PTPRD: variants seen among roughly 807,000 people sequenced by gnomAD.
PTPRD encodes protein tyrosine phosphatase receptor type D.
In PTPRD, 34 loss-of-function variants were observed where a neutral mutation model predicts 214.5. The observed-to-expected ratio is 0.16, with a 90% CI of 0.12 to 0.21. PTPRD has a LOEUF of 0.21. Ranked by LOEUF, PTPRD falls within the 10% of genes least tolerant of loss-of-function variation. PTPRD has a pLI of 1.00. For missense variants in PTPRD, 2,545 were observed against 2,398.7 expected (o/e 1.06, Z -1.27); for synonymous variants, 1,128 against 845.7 (o/e 1.33, Z -5.79).
At chr9:8,720,962 T>C (rs988278092) in intron 12 of PTPRD, among the ~76,000 whole-genome samples, 2 of 152,100 alleles carry the variant, frequency 1.3e-5, no homozygotes, top group East Asian at 1.9e-4. Flanking sequence ...CAGGGAATCA[T>C]GAGTGTGTGT....
chr9:9,725,799 A>G (rs189552699), intron 7 of PTPRD, among the ~76,000 whole-genome samples: 28 of 152,326 alleles, frequency 1.8e-4, no homozygotes, highest in Admixed American at 7.8e-4. Context: ...GGGGAACTGT[A>G]GGACATTTTT....
chr9:9,180,547 T>C lies in PTPRD; in HGVS notation c.-143+2757A>G, dbSNP rs150070327. 4.2e-3 allele frequency among the ~76,000 whole-genome samples: 639 copies of C among 151,854 alleles called. 4 individuals are homozygous for C. The highest frequency in any genetic ancestry group is 0.014 in the African/African-American group (578 of 41,442). On this transcript the variant is annotated intron_variant, in intron 10 of 45. Coordinates refer to ENST00000381196, the MANE Select transcript of PTPRD (RefSeq NM_002839.4). ...CACCAACATGGCACATGTATACATATGTAACAAACCTGCACGTTGTGCACA... is the reference window on the plus strand; with the variant it reads ...CACCAACATGGCACATGTATACATACGTAACAAACCTGCACGTTGTGCACA...
chr9:8,373,991 C>T (rs1234518545), intron 39 of PTPRD, among the ~76,000 whole-genome samples: 1 of 151,336 alleles, frequency 6.6e-6, no homozygotes, highest in Admixed American at 6.6e-5. Flanking sequence ...GGAGAAAGCA[C>T]AGATTCTGTA....
At chr9:9,811,634 G>C (rs1209786775) in intron 5 of PTPRD, among the ~76,000 whole-genome samples, 2 of 152,168 alleles carry the variant, frequency 1.3e-5, no homozygotes, top group African/African-American at 4.8e-5. Flanking sequence ...GTGAACACAG[G>C]AGGTGGAGTT....
rs538731903 is a variant in PTPRD, at chr9:8,753,508, C to T, written c.-103-19562G>A. 5.3e-5 allele frequency among the ~76,000 whole-genome samples: 8 copies of T among 152,242 alleles called. No homozygotes were observed. In the East Asian group the frequency reaches 9.7e-4, roughly 18 times the overall value. ...AACAATCTGTCTGTGCTCCTCTGGC[C>T]GGTTTCTAACAGCATGTTGTATGTG... On this transcript the variant is annotated intron_variant, in intron 11 of 45. Coordinates refer to ENST00000381196, the MANE Select transcript of PTPRD (RefSeq NM_002839.4).
intron 14 of PTPRD, among the ~76,000 whole-genome samples, chr9:8,546,504 CT>C (rs568213553): frequency 1.1e-3 from 169 of 147,698 alleles, no homozygotes; most frequent in African/African-American, 2.8e-3. Flanking sequence ...TTTTCTTTTT[CT>C]TTTTTTTTTG....
chr9:9,608,342 C>T (rs905525497), intron 7 of PTPRD, among the ~76,000 whole-genome samples: 2 of 152,048 alleles, frequency 1.3e-5, no homozygotes, highest in East Asian at 1.9e-4. Context: ...GTTATTTAAC[C>T]TTATTGATAC....
At chr9:9,550,468 T>C (rs2079930544) in intron 8 of PTPRD, among the ~76,000 whole-genome samples, 1 of 148,272 alleles carries the variant, frequency 6.7e-6, no homozygotes, top group Non-Finnish European at 1.5e-5. Flanking sequence ...CGTAGTATAT[T>C]ATGCACTATA....
At chr9:10,334,244 T>C (rs2096802289) in intron 3 of PTPRD, among the ~76,000 whole-genome samples, 2 of 151,762 alleles carry the variant, frequency 1.3e-5, no homozygotes, top group Non-Finnish European at 2.9e-5. Context: ...ATATGTTATA[T>C]CAAATGTTAA....
At chr9:10,013,033 T>C (rs755915867) in intron 4 of PTPRD, among the ~76,000 whole-genome samples, 6 of 151,976 alleles carry the variant, frequency 3.9e-5, no homozygotes, top group East Asian at 1.9e-4. Flanking sequence ...CGCTAGAGAA[T>C]AGAATAAGCA....
intron 36 of PTPRD, among the ~76,000 whole-genome samples, chr9:8,402,449 G>A (rs12235754): frequency 0.35 from 53,105 of 152,000 alleles, 9,906 homozygotes; most frequent in Middle Eastern, 0.44. Flanking sequence ...AAAGTACAGC[G>A]AAGTGGTAGT....
chr9:10,103,586 G>A (rs1444314071), intron 3 of PTPRD, among the ~76,000 whole-genome samples: 1 of 151,164 alleles, frequency 6.6e-6, no homozygotes, highest in Non-Finnish European at 1.5e-5. Flanking sequence ...GTGGTTTTAT[G>A]GTTGTGCTTT....
intron 11 of PTPRD, among the ~76,000 whole-genome samples, chr9:8,877,516 T>C (rs116523265): frequency 0.012 from 1,888 of 152,312 alleles, 51 homozygotes; most frequent in South Asian, 0.084. Flanking sequence ...TAGATTCTAA[T>C]ATTTTAGTGA....
rs1388324188 is a variant in PTPRD at position 8,557,433 on chromosome 9, TAC to T, written c.353-28656_353-28655del. On this transcript the variant is annotated intron_variant, in intron 14 of 45. Transcript: ENST00000381196. ...AAACTCTTTATTTTTCATTTGTAAATACATATATATATATATATATATATTTG... is the reference window on the plus strand; with the variant it reads ...AAACTCTTTATTTTTCATTTGTAAATATATATATATATATATATATATTTG... Among the ~76,000 whole-genome samples the T allele has an allele frequency of 1.0e-3, 118 of 112,396 alleles. 10 individuals carry two copies. The highest frequency in any genetic ancestry group is 7.7e-3 in the African/African-American group (115 of 14,894). 73.7% of individuals were successfully genotyped at this position (112,396 alleles called of 152,430 possible).
At chr9:8,553,380 C>T (rs1040122501) in intron 14 of PTPRD, among the ~76,000 whole-genome samples, 8 of 152,154 alleles carry the variant, frequency 5.3e-5, no homozygotes, top group African/African-American at 1.9e-4. Context: ...GGCCTGAGTC[C>T]CCTGGCGTGG....
intron 12 of PTPRD, among the ~76,000 whole-genome samples, chr9:8,637,335 A>G (rs1171511344): frequency 6.6e-6 from 1 of 152,178 alleles, no homozygotes; most frequent in Non-Finnish European, 1.5e-5. Context: ...TATCGCCCTG[A>G]ATTAGAAGGT....
intron 3 of PTPRD, among the ~76,000 whole-genome samples, chr9:10,282,984 C>A (rs1434582119): frequency 6.6e-6 from 1 of 151,974 alleles, no homozygotes; most frequent in Non-Finnish European, 1.5e-5. Context: ...TTCATTTTTT[C>A]ATTAATATCT....
rs569160438 is a variant in PTPRD, at chr9:10,475,357, C to T, written c.-599-134340G>A. ...CTACCAACAGAGAATATTATAAACA[C>T]CTCTACACAAATCAACTGGAAAATG... is the stretch of plus-strand genomic sequence containing the variant. On this transcript the variant is annotated intron_variant, in intron 2 of 45. Coordinates refer to ENST00000381196, the MANE Select transcript of PTPRD (RefSeq NM_002839.4). Among the ~76,000 whole-genome samples the T allele has an allele frequency of 1.6e-4, 24 of 152,204 alleles. No individual in the cohort carries two copies. In the South Asian group the frequency reaches 4.8e-3, roughly 30 times the overall value.
At chr9:8,586,637 A>G (rs1012476228) in intron 14 of PTPRD, among the ~76,000 whole-genome samples, 10 of 152,116 alleles carry the variant, frequency 6.6e-5, no homozygotes, top group African/African-American at 2.4e-4. Context: ...GAGAATCCAT[A>G]CCTCTAGCTC....
Sources: allele counts gnomAD v4.1 joint callset (sites outside exome capture counted in the v4.1 genomes callset), GRCh38; gene constraint gnomAD v4.1.1; transcripts MANE v1.5; gene names NCBI Gene and HGNC (gene_info 2026-07-23, HGNC 2026-07-21).